Variants in DDX6 observed in about 807,000 individuals in gnomAD.
The protein encoded by DDX6 is DEAD-box helicase 6, also known as probable ATP-dependent RNA helicase DDX6.
Under a neutral mutation model 60.6 loss-of-function variants are expected in DDX6, and 7 were observed. The ratio of observed to expected loss-of-function variants is 0.12; its 90% confidence interval spans 0.07 to 0.22. The LOEUF is 0.22. Ranked by LOEUF, DDX6 falls within the 10% of genes least tolerant of loss-of-function variation. DDX6 has a pLI of 1.00. For missense variants in DDX6, 270 were observed against 589.9 expected (o/e 0.46, Z 5.62); for synonymous variants, 207 against 201.0 (o/e 1.03, Z -0.25).
chr11:118,762,281 A>T (rs541741603), intron 7 of DDX6, among the ~76,000 whole-genome samples: 17 of 149,382 alleles, frequency 1.1e-4, no homozygotes, highest in African/African-American at 3.9e-4. Context: ...CTCAAAAAAA[A>T]AAAAATAATA....
At chr11:118,765,123 C>A (rs1861307074) in intron 6 of DDX6, 86 bp downstream of exon 6, 2 of 1,512,256 alleles carry the variant, frequency 1.3e-6, no homozygotes, top group Non-Finnish European at 1.8e-6. Context: ...TTCCTTAATT[C>A]TTAAAAACAA....
chr11:118,767,124 TG>T (rs1286546710), intron 5 of DDX6, among the ~76,000 whole-genome samples: 1 of 151,484 alleles, frequency 6.6e-6, no homozygotes, highest in African/African-American at 2.4e-5. Context: ...TGACCTCAGG[TG>T]ATCTGCCTTG....
At chr11:118,784,391 T>C (rs996666791) in intron 2 of DDX6, among the ~76,000 whole-genome samples, 1 of 151,954 alleles carries the variant, frequency 6.6e-6, no homozygotes, top group Admixed American at 6.6e-5. Flanking sequence ...ATAAAACATA[T>C]ACCTCAGTTC....
At chr11:118,766,451 A>C (rs1221788867) in intron 5 of DDX6, among the ~76,000 whole-genome samples, 2 of 152,202 alleles carry the variant, frequency 1.3e-5, no homozygotes, top group Admixed American at 6.5e-5. Context: ...AAAAAAATTA[A>C]GAAATAAAAA....
At chr11:118,765,769 G>A (rs1342703531) in intron 5 of DDX6, among the ~76,000 whole-genome samples, 1 of 129,050 alleles carries the variant, frequency 7.7e-6, no homozygotes, top group Non-Finnish European at 1.6e-5. Context: ...GTGAGACTCA[G>A]TCTCAAAAGA....
chr11:118,774,083 C>T (rs1565573010), intron 4 of DDX6, among the ~76,000 whole-genome samples: 1 of 152,072 alleles, frequency 6.6e-6, no homozygotes, highest in Admixed American at 6.6e-5. Context: ...TTCCATGTTT[C>T]CCTCAATAAT....
intron 3 of DDX6, 48 bp from the exon 4 acceptor site, chr11:118,779,784 A>C (rs1555164303): frequency 7.3e-7 from 1 of 1,378,472 alleles, no homozygotes; most frequent in Non-Finnish European, 1.0e-6. Flanking sequence ...CACTGTTGGT[A>C]AATTTGGTGT....
chr11:118,763,851 A>C (rs1565566170), intron 6 of DDX6, among the ~76,000 whole-genome samples: 1 of 146,432 alleles, frequency 6.8e-6, no homozygotes, highest in Non-Finnish European at 1.5e-5. Context: ...AAAAAAAAAA[A>C]AAAAGAAAGA....
chr11:118,779,597 TA>T, intron 4 of DDX6, 34 bp downstream of exon 4: 1 of 1,393,412 alleles, frequency 7.2e-7, no homozygotes, highest in South Asian at 1.2e-5. Context: ...GGTTGACACA[TA>T]ACCTTACATA....
chr11:118,786,418 C>A lies in DDX6; in HGVS notation c.-167G>T, dbSNP rs1289401541. ...AGGCAAGCACCTGTAAGTCTCTGAA[C>A]GGTAAGCAGCAGTAACTTGCTCTCT... On this transcript the variant is annotated 5_prime_UTR_variant, in exon 2 of 14. Transcript: ENST00000534980. The A allele has an allele frequency of 6.1e-6, 3 of 491,192 alleles. No homozygotes were observed. Among genetic ancestry groups the A allele is most frequent in the Non-Finnish European group, 1.0e-5 (3 of 287,648 alleles). 30.4% of individuals were successfully genotyped at this position (491,192 alleles called of 1,614,324 possible).
chr11:118,785,298 TG>T (rs1862037573), intron 2 of DDX6, among the ~76,000 whole-genome samples: 1 of 152,192 alleles, frequency 6.6e-6, no homozygotes, highest in Non-Finnish European at 1.5e-5. Context: ...TTTCTGAGAC[TG>T]TTCAGAACTG....
chr11:118,784,884 T>C (rs1862022966), intron 2 of DDX6, among the ~76,000 whole-genome samples: 2 of 152,088 alleles, frequency 1.3e-5, no homozygotes, highest in African/African-American at 4.8e-5. Flanking sequence ...CCAAGTAGCA[T>C]TATGGGCATG....
intron 4 of DDX6, among the ~76,000 whole-genome samples, chr11:118,769,902 G>C (rs1486283473): frequency 6.6e-6 from 1 of 151,978 alleles, no homozygotes; most frequent in Non-Finnish European, 1.5e-5. Context: ...TAGAGACGGG[G>C]TTTCACCGTG....
chr11:118,757,308 G>C (rs1272994990), intron 9 of DDX6, 21 bp from the exon 10 acceptor site: 1 of 1,350,450 alleles, frequency 7.4e-7, no homozygotes, highest in African/African-American at 1.5e-5. Context: ...AAAAAAATAA[G>C]TATGAGAAAA....
chr11:118,770,986 G>A (rs751400943), intron 4 of DDX6, among the ~76,000 whole-genome samples: 1 of 152,062 alleles, frequency 6.6e-6, no homozygotes, highest in Non-Finnish European at 1.5e-5. Context: ...AAACAAAGAA[G>A]AAAACCTTGG....
At chr11:118,782,542 CA>C (rs1861934139) in intron 2 of DDX6, among the ~76,000 whole-genome samples, 3 of 151,950 alleles carry the variant, frequency 2.0e-5, no homozygotes, top group Non-Finnish European at 2.9e-5. Context: ...CATTCACAGA[CA>C]AAAAGACCAC....
At chr11:118,768,500 C>G (rs1861429525) in intron 4 of DDX6, 148 bp from the exon 5 acceptor site, 1 of 752,040 alleles carries the variant, frequency 1.3e-6, no homozygotes. Context: ...TAGCAGAGAT[C>G]CAAGTAAATC....
intron 1 of DDX6, chr11:118,787,573 G>C (rs1051624099): frequency 6.6e-6 from 1 of 152,196 alleles, no homozygotes; most frequent in Non-Finnish European, 1.5e-5. Context: ...GCTGAAGCAC[G>C]AGAATCGCTT....
intron 4 of DDX6, among the ~76,000 whole-genome samples, chr11:118,779,269 G>A (rs944182431): frequency 6.6e-6 from 1 of 151,150 alleles, no homozygotes; most frequent in Admixed American, 6.6e-5. Flanking sequence ...GACTAAAAAA[G>A]ACATAATTAC....
Sources: gnomAD v4.1 joint callset for allele counts (sites outside exome capture counted in the v4.1 genomes callset) on GRCh38, gnomAD v4.1.1 for gene constraint, MANE v1.5 for transcripts, NCBI Gene and HGNC (gene_info 2026-07-23, HGNC 2026-07-21) for gene names.